The following MCC variants were observed in gnomAD, a reference collection of about 807,000 sequenced individuals.
MCC encodes the protein colorectal mutant cancer protein.
Under a neutral mutation model 116.2 loss-of-function variants are expected in MCC, and 90 were observed. That is an observed-to-expected ratio of 0.77 (90% confidence interval 0.65 to 0.92). The LOEUF is 0.92. Ranked by LOEUF, MCC falls within the 40% of genes least tolerant of loss-of-function variation. The probability of loss-of-function intolerance (pLI) is 0.00; values close to 1 mark genes in which losing one functional copy is unlikely to be tolerated. For missense variants in MCC, 1,516 were observed against 1,312.2 expected (o/e 1.16, Z -2.40); for synonymous variants, 578 against 510.5 (o/e 1.13, Z -1.78).
chr5:113,190,718 T>G (rs1205672759), intron 3 of MCC, among the ~76,000 whole-genome samples: 2 of 152,180 alleles, frequency 1.3e-5, no homozygotes, highest in Non-Finnish European at 2.9e-5. Flanking sequence ...CATGTCGAGC[T>G]GCAAAAAGGT....
intron 2 of MCC, among the ~76,000 whole-genome samples, chr5:113,350,567 C>G (rs1209818381): frequency 6.6e-6 from 1 of 152,032 alleles, no homozygotes; most frequent in African/African-American, 2.4e-5. Context: ...TCTAAGATTT[C>G]AAACTATGAA....
At chr5:113,144,198 A>C (rs1759354322) in intron 4 of MCC, among the ~76,000 whole-genome samples, 2 of 152,254 alleles carry the variant, frequency 1.3e-5, no homozygotes, top group South Asian at 4.1e-4. Flanking sequence ...AAGAGGCAGC[A>C]GAGTTATAGA....
intron 12 of MCC, among the ~76,000 whole-genome samples, chr5:113,069,128 G>T (rs572904562): frequency 6.6e-6 from 1 of 152,294 alleles, no homozygotes; most frequent in Admixed American, 6.5e-5. Context: ...ATGTTCAATA[G>T]CCATACATGG....
At chr5:113,360,065 G>A (rs934336873) in intron 2 of MCC, among the ~76,000 whole-genome samples, 4 of 152,134 alleles carry the variant, frequency 2.6e-5, no homozygotes, top group Admixed American at 6.5e-5. Context: ...ATCTGAGCCT[G>A]CTCCCTGCCA....
At chr5:113,316,308 TAA>T (rs1767283157) in intron 3 of MCC, among the ~76,000 whole-genome samples, 1 of 151,550 alleles carries the variant, frequency 6.6e-6, no homozygotes, top group African/African-American at 2.4e-5. Context: ...CTACTTATCA[TAA>T]GTCATATTCA....
intron 6 of MCC, among the ~76,000 whole-genome samples, chr5:113,118,497 A>C (rs972595085): frequency 2.0e-5 from 3 of 152,200 alleles, no homozygotes; most frequent in African/African-American, 4.8e-5. Context: ...AGCCTACTGA[A>C]GGGGCAGCTG....
At position 113,266,628 on chromosome 5, in the gene MCC, A is replaced by T. The variant is rs114956465; in HGVS notation, c.627+73891T>A. Among the ~76,000 whole-genome samples, 202 of 152,254 alleles carry T rather than the reference A, an allele frequency of 1.3e-3. 1 individual carries two copies. The highest frequency in any genetic ancestry group is 2.3e-3 in the Non-Finnish European group (158 of 68,008). Reference sequence around the variant, plus strand: ...AACTCCTACGCTCAACTAATCCTCCAGCCTCAGCCTCAGAGTAACTGGGAT... The same window carrying T: ...AACTCCTACGCTCAACTAATCCTCCTGCCTCAGCCTCAGAGTAACTGGGAT... On this transcript the variant is annotated intron_variant, in intron 3 of 18. Coordinates refer to ENST00000408903, the MANE Select transcript of MCC (RefSeq NM_001085377.2).
intron 4 of MCC, among the ~76,000 whole-genome samples, chr5:113,146,572 A>C (rs1374669624): frequency 1.3e-5 from 2 of 152,052 alleles, no homozygotes; most frequent in Non-Finnish European, 2.9e-5. Context: ...TAAAAACAGA[A>C]AAAGAGACAC....
intron 3 of MCC, among the ~76,000 whole-genome samples, chr5:113,242,512 T>A (rs1764410058): frequency 6.6e-6 from 1 of 152,032 alleles, no homozygotes; most frequent in Non-Finnish European, 1.5e-5. Context: ...AAAACAGAGA[T>A]ATGAATTAGT....
Position 113,025,614 on chromosome 5 carries a change from C to T in MCC, c.*1688G>A, listed in dbSNP as rs962931578. 3 of 146,174 alleles carry T rather than the reference C, an allele frequency of 2.1e-5. No individual in the cohort carries two copies. The highest frequency in any genetic ancestry group is 7.7e-5 in the African/African-American group (3 of 38,890). 9.1% of individuals were successfully genotyped at this position (146,174 alleles called of 1,614,324 possible). Reference sequence around the variant, plus strand: ...TCTCAAAAAAAAAAAAAAAAAATCACAGGAACTAACTTTGACCAAATGATT... The same window carrying T: ...TCTCAAAAAAAAAAAAAAAAAATCATAGGAACTAACTTTGACCAAATGATT... On this transcript the variant is annotated 3_prime_UTR_variant, in exon 19 of 19. Transcript: ENST00000408903.
intron 11 of MCC, 106 bp downstream of exon 11, chr5:113,082,754 T>C (rs1388967315): frequency 5.0e-6 from 7 of 1,387,426 alleles, no homozygotes; most frequent in Non-Finnish European, 6.9e-6. Context: ...ACGGTACTGC[T>C]CTATGTCACA....
At chr5:113,214,041 T>C (rs1445126323) in intron 3 of MCC, among the ~76,000 whole-genome samples, 1 of 152,148 alleles carries the variant, frequency 6.6e-6, no homozygotes, top group African/African-American at 2.4e-5. Flanking sequence ...TTTGCAATAG[T>C]ATTATTGTCT....
chr5:113,441,248 T>A (rs1298800167), intron 1 of MCC, among the ~76,000 whole-genome samples: 1 of 152,002 alleles, frequency 6.6e-6, no homozygotes, highest in South Asian at 2.1e-4. Context: ...GGCAGGAGAA[T>A]CTCTTGAACC....
intron 3 of MCC, among the ~76,000 whole-genome samples, chr5:113,295,575 C>T (rs1581380164): frequency 6.8e-6 from 1 of 146,316 alleles, no homozygotes; most frequent in African/African-American, 2.4e-5. Context: ...CTTAATTGAG[C>T]GGAGGTAGAG....
At chr5:113,487,612 G>T (rs1580437156) in intron 1 of MCC, among the ~76,000 whole-genome samples, 1 of 152,346 alleles carries the variant, frequency 6.6e-6, no homozygotes, top group Non-Finnish European at 1.5e-5. Context: ...GCACAGAGCC[G>T]GGTAGGAGTC....
rs954471681 is a variant in MCC, at chr5:113,023,287, T to C, written c.*4015A>G. The C allele has an allele frequency of 1.3e-5, 2 of 152,260 alleles. No individual in the cohort carries two copies. Among genetic ancestry groups the C allele is most frequent in the Non-Finnish European group, 2.9e-5 (2 of 68,046 alleles). The allele number at this position is 152,260 out of a possible 1,614,324, so 9.4% of individuals were successfully genotyped here. On this transcript the variant is annotated 3_prime_UTR_variant, in exon 19 of 19. Transcript: ENST00000408903. ...AACTGGATAGTGAAGGCGTAACTTT[T>C]GTTTTGTAACCAGTTACGCCTCTTC...
intron 3 of MCC, among the ~76,000 whole-genome samples, chr5:113,181,290 G>A (rs1430962430): frequency 6.6e-6 from 1 of 152,212 alleles, no homozygotes; most frequent in Non-Finnish European, 1.5e-5. Flanking sequence ...CTATCGGTCA[G>A]AACACCATTA....
At chr5:113,204,942 G>T (rs1342642487) in intron 3 of MCC, among the ~76,000 whole-genome samples, 1 of 152,172 alleles carries the variant, frequency 6.6e-6, no homozygotes, top group South Asian at 2.1e-4. Context: ...GTGGAACCCT[G>T]CAGTAACTCC....
At chr5:113,421,163 T>A (rs1214778383) in intron 1 of MCC, among the ~76,000 whole-genome samples, 1 of 152,080 alleles carries the variant, frequency 6.6e-6, no homozygotes. Context: ...TAGCTGAGAC[T>A]ACAGGCACGC....
Sources: allele counts gnomAD v4.1 joint callset (sites outside exome capture counted in the v4.1 genomes callset), GRCh38; gene constraint gnomAD v4.1.1; transcripts MANE v1.5; gene names NCBI Gene and HGNC (gene_info 2026-07-23, HGNC 2026-07-21).